PPP2R3A: variants seen among roughly 807,000 people sequenced by gnomAD.
PPP2R3A encodes the protein serine/threonine-protein phosphatase 2A regulatory subunit B'' subunit alpha.
In PPP2R3A, 80 loss-of-function variants were observed where a neutral mutation model predicts 106.9. The observed-to-expected ratio is 0.75, with a 90% CI of 0.62 to 0.90. The LOEUF is 0.90. Among genes scored for constraint, PPP2R3A ranks in the 40% least tolerant of loss-of-function variants. The pLI is 0.00. For synonymous variants in PPP2R3A, 483 were observed against 468.3 expected, an observed-to-expected ratio of 1.03 and a Z score of -0.41; for missense variants, 1,386 against 1,350.4, an observed-to-expected ratio of 1.03 and a Z score of -0.41.
intron 3 of PPP2R3A, among the ~76,000 whole-genome samples, chr3:136,030,379 C>T (rs893574894): frequency 9.9e-5 from 15 of 151,768 alleles, no homozygotes; most frequent in African/African-American, 3.6e-4. Flanking sequence ...ATCATGTCTT[C>T]CAGTTAGCTA....
intron 13 of PPP2R3A, among the ~76,000 whole-genome samples, chr3:136,141,174 C>CA (rs1938858704): frequency 6.6e-6 from 1 of 152,114 alleles, no homozygotes. Flanking sequence ...TAAGATGAAC[C>CA]AGTAATGGAC....
intron 2 of PPP2R3A, among the ~76,000 whole-genome samples, chr3:136,004,089 A>G (rs1933756568): frequency 6.6e-6 from 1 of 152,258 alleles, no homozygotes; most frequent in South Asian, 2.1e-4. Flanking sequence ...GCCTTCAAAG[A>G]AGATAAAGAC....
intron 1 of PPP2R3A, among the ~76,000 whole-genome samples, chr3:135,986,472 A>T (rs951392292): frequency 3.9e-5 from 6 of 152,064 alleles, no homozygotes; most frequent in African/African-American, 1.4e-4. Flanking sequence ...ATTAATTATC[A>T]TATCCTCAAG....
chr3:136,118,617 C>T (rs1442864902), intron 13 of PPP2R3A, among the ~76,000 whole-genome samples: 3 of 152,152 alleles, frequency 2.0e-5, no homozygotes, highest in Non-Finnish European at 4.4e-5. Flanking sequence ...TGAGTGAACT[C>T]CCATTCACAA....
intron 1 of PPP2R3A, among the ~76,000 whole-genome samples, chr3:135,987,391 G>C (rs1932966574): frequency 6.6e-6 from 1 of 152,182 alleles, no homozygotes; most frequent in African/African-American, 2.4e-5. Context: ...TGTGTTATTG[G>C]AAAGGAAACT....
At chr3:136,106,431 C>A in intron 13 of PPP2R3A, 109 bp downstream of exon 13, 1 of 924,974 alleles carries the variant, frequency 1.1e-6, no homozygotes, top group Non-Finnish European at 1.6e-6. Flanking sequence ...TTTTGAATAG[C>A]ATAAAAATGT....
At chr3:135,967,116 A>G (rs1362008897) in intron 1 of PPP2R3A, among the ~76,000 whole-genome samples, 3 of 152,080 alleles carry the variant, frequency 2.0e-5, no homozygotes, top group African/African-American at 7.2e-5. Flanking sequence ...ATTTACATTT[A>G]TTGCATCCAA....
At chr3:136,062,646 AG>A (rs1041470126) in intron 5 of PPP2R3A, among the ~76,000 whole-genome samples, 34 of 150,672 alleles carry the variant, frequency 2.3e-4, no homozygotes, top group African/African-American at 8.3e-4. Flanking sequence ...TGAACCTGGG[AG>A]GCGGAGCTTG....
intron 13 of PPP2R3A, among the ~76,000 whole-genome samples, chr3:136,126,744 G>A (rs527568610): frequency 2.3e-4 from 35 of 152,248 alleles, no homozygotes; most frequent in Admixed American, 3.9e-4. Flanking sequence ...AGTAGGGGCC[G>A]ACAGATACCT....
At chr3:136,088,250 C>G (rs1010391904) in intron 9 of PPP2R3A, among the ~76,000 whole-genome samples, 1 of 152,184 alleles carries the variant, frequency 6.6e-6, no homozygotes, top group African/African-American at 2.4e-5. Flanking sequence ...ACTGTGCTCA[C>G]TCCCTACCCA....
intron 5 of PPP2R3A, among the ~76,000 whole-genome samples, chr3:136,061,368 C>T (rs1244809958): frequency 6.6e-6 from 1 of 152,174 alleles, no homozygotes; most frequent in East Asian, 1.9e-4. Flanking sequence ...TGGCTCACAC[C>T]TGTAATCCCA....
At chr3:135,984,674 C>T (rs764690924) in intron 1 of PPP2R3A, among the ~76,000 whole-genome samples, 33 of 152,180 alleles carry the variant, frequency 2.2e-4, no homozygotes, top group Non-Finnish European at 4.3e-4. Flanking sequence ...CCTGTTTCCC[C>T]TTCCACCATG....
intron 1 of PPP2R3A, among the ~76,000 whole-genome samples, chr3:135,966,939 A>G (rs1156719431): frequency 6.6e-6 from 1 of 151,638 alleles, no homozygotes; most frequent in African/African-American, 2.4e-5. Flanking sequence ...TTGCCATACT[A>G]GGTCAGAGCA....
intron 13 of PPP2R3A, among the ~76,000 whole-genome samples, chr3:136,121,405 G>A (rs1229304464): frequency 2.0e-5 from 3 of 152,100 alleles, no homozygotes; most frequent in Admixed American, 2.0e-4. Flanking sequence ...ACACAAAGAA[G>A]GGAACAGTAG....
At chr3:136,139,831 C>CCTAT (rs1173332523) in intron 13 of PPP2R3A, among the ~76,000 whole-genome samples, 12 of 151,276 alleles carry the variant, frequency 7.9e-5, no homozygotes, top group East Asian at 3.9e-4. Flanking sequence ...TGGTGAAAAC[C>CCTAT]CTATCTCTAC....
intron 3 of PPP2R3A, among the ~76,000 whole-genome samples, chr3:136,034,801 T>A (rs189930366): frequency 2.0e-5 from 3 of 152,204 alleles, no homozygotes; most frequent in African/African-American, 7.2e-5. Context: ...TTGACCTGTT[T>A]AGTGCTGTCA....
At position 136,008,477 on chromosome 3, in the gene PPP2R3A, G is replaced by A. The variant is rs371013372; in HGVS notation, c.1995+4984G>A. Among the ~76,000 whole-genome samples, 8 of 152,264 alleles carry A rather than the reference G, an allele frequency of 5.3e-5. No individual in the cohort carries two copies. The East Asian group carries it at 1.2e-3, about 22-fold the overall frequency. ...CCCTCCACATTTGGTGGCTTCTGAC[G>A]TCAGGTACCTTTGCATTAATACCTG... On this transcript the variant is annotated intron_variant, in intron 2 of 13. Coordinates refer to ENST00000264977, the MANE Select transcript of PPP2R3A (RefSeq NM_002718.5).
intron 1 of PPP2R3A, among the ~76,000 whole-genome samples, chr3:135,983,912 G>A (rs1937571537): frequency 1.3e-5 from 2 of 152,150 alleles, no homozygotes; most frequent in Non-Finnish European, 2.9e-5. Context: ...TGGTTTTTAA[G>A]AGTCACCTGT....
Position 136,002,478 on chromosome 3 carries a change from G to A in PPP2R3A, c.980G>A (p.Gly327Asp), listed in dbSNP as rs748192970. The change falls in exon 2 of 14, where the codon GGC becomes GAC. Residue 327 changes from glycine to aspartate, a missense_variant. Transcript: ENST00000264977. Reference sequence around the variant, plus strand: ...CTGACTCCCTTCTCCCCAGTGTTTGGCACTGAACAACCCCCTAAATATGAA... The same window carrying A: ...CTGACTCCCTTCTCCCCAGTGTTTGACACTGAACAACCCCCTAAATATGAA... ...LQLTPFSPVFGTEQPPKYEDV... is the reference protein window; with the variant it reads ...LQLTPFSPVFDTEQPPKYEDV... 5.0e-6 allele frequency: 8 copies of A among 1,614,022 alleles called. No homozygotes were observed. Among genetic ancestry groups the A allele is most frequent in the Middle Eastern group, 1.6e-4 (1 of 6,062 alleles).
Sources: gnomAD v4.1 joint callset for allele counts (sites outside exome capture counted in the v4.1 genomes callset) on GRCh38, gnomAD v4.1.1 for gene constraint, MANE v1.5 for transcripts, NCBI Gene and HGNC (gene_info 2026-07-23, HGNC 2026-07-21) for gene names.